Variants in FREM1 observed in about 807,000 individuals in gnomAD.
FREM1 encodes FRAS1-related extracellular matrix protein 1.
FREM1 carries 220 observed loss-of-function variants against 210.1 expected under a neutral mutation model. The ratio of observed to expected loss-of-function variants is 1.05; its 90% CI spans 0.94 to 1.17. The LOEUF (loss-of-function observed/expected upper bound fraction) is 1.17, where lower values mean the gene tolerates loss of function less well. Among genes scored for constraint, FREM1 ranks in the 50% most tolerant of loss-of-function variants. FREM1 has a pLI of 0.00. For synonymous variants in FREM1, 1,189 were observed against 980.2 expected (o/e 1.21, Z -3.98); for missense variants, 3,454 against 2,675.5 (o/e 1.29, Z -6.42).
chr9:14,866,953 G>A (rs755671443), intron 2 of FREM1, among the ~76,000 whole-genome samples: 3 of 151,960 alleles, frequency 2.0e-5, no homozygotes, highest in Non-Finnish European at 4.4e-5. Context: ...TCCGCCTCCC[G>A]GGTTCAAGCG....
intron 20 of FREM1, 59 bp downstream of exon 20, chr9:14,801,593 G>C (rs904850255): frequency 5.9e-6 from 7 of 1,184,684 alleles, no homozygotes; most frequent in Non-Finnish European, 8.6e-6. Flanking sequence ...TCACATATAA[G>C]TATGGGTTAA....
At chr9:14,887,537 A>C (rs549890539) in intron 1 of FREM1, among the ~76,000 whole-genome samples, 1 of 152,232 alleles carries the variant, frequency 6.6e-6, no homozygotes. Context: ...ACAAAGATGG[A>C]AAGTCTTCGT....
At chr9:14,818,954 G>T (rs535679895) in intron 14 of FREM1, among the ~76,000 whole-genome samples, 3 of 152,044 alleles carry the variant, frequency 2.0e-5, no homozygotes, top group Non-Finnish European at 2.9e-5. Flanking sequence ...TGTGATATGT[G>T]CAGTTACTGC....
At position 14,836,094 on chromosome 9, in the gene FREM1, G is replaced by A. The variant is rs139825561; in HGVS notation, c.1881+5353C>T. On this transcript the variant is annotated intron_variant, in intron 10 of 36. Coordinates refer to ENST00000380880, the MANE Select transcript of FREM1 (RefSeq NM_001379081.2). The surrounding 1 kb of genome is among the most constrained non-coding windows in gnomAD (Gnocchi z 4.9). ...GTGCCCATAACTCTGAGCTTTCTTT[G>A]TTTGGGAAAATAAAACCAAGGAACT... Among the ~76,000 whole-genome samples the A allele has an allele frequency of 6.6e-6, 1 of 152,202 alleles. No individual in the cohort carries two copies. Among genetic ancestry groups the A allele is most frequent in the African/African-American group, 2.4e-5 (1 of 41,442 alleles).
At chr9:14,846,342 C>T (rs906768451) in intron 7 of FREM1, among the ~76,000 whole-genome samples, 18 of 152,098 alleles carry the variant, frequency 1.2e-4, no homozygotes, top group African/African-American at 3.6e-4. Flanking sequence ...GGGAACATCA[C>T]ACACCAGAGC....
intron 4 of FREM1, among the ~76,000 whole-genome samples, chr9:14,858,032 C>A (rs541412917): frequency 1.0e-3 from 153 of 152,290 alleles, no homozygotes; most frequent in Admixed American, 3.5e-3. Context: ...ACATCTCTGA[C>A]AAATAGACCA....
chr9:14,742,842 T>C (rs909822831), intron 35 of FREM1, among the ~76,000 whole-genome samples: 4 of 152,126 alleles, frequency 2.6e-5, no homozygotes, highest in African/African-American at 9.6e-5. Context: ...AAAATAGACA[T>C]ACTTGTCAGT....
chr9:14,851,364 A>T lies in FREM1; in HGVS notation c.1072T>A (p.Phe358Ile), dbSNP rs747140889. The change falls in exon 6 of 37, where the codon TTC becomes ATC. Residue 358 changes from phenylalanine to isoleucine, a missense_variant. Transcript: ENST00000380880. ...ATGTCACTGAGATCTTTCCAGGTGAATGAGGAGATTGGTCTGGTGTGATCC... is the reference window on the plus strand; with the variant it reads ...ATGTCACTGAGATCTTTCCAGGTGATTGAGGAGATTGGTCTGGTGTGATCC... ...LLDHTRPISS[F>I]TWKDLSDMQI... 2.5e-6 allele frequency: 4 copies of T among 1,613,658 alleles called. No individual in the cohort carries two copies. The highest frequency in any genetic ancestry group is 3.4e-6 in the Non-Finnish European group (4 of 1,179,708).
At chr9:14,879,480 G>A (rs1237824544) in intron 1 of FREM1, among the ~76,000 whole-genome samples, 1 of 152,148 alleles carries the variant, frequency 6.6e-6, no homozygotes, top group East Asian at 1.9e-4. Flanking sequence ...ACACAACACT[G>A]AGAATCTATC....
Position 14,737,602 on chromosome 9 carries a change from T to C in FREM1, c.6341-7A>G. 1 of 1,520,044 alleles carries C rather than the reference T, an allele frequency of 6.6e-7. No homozygotes were observed. 94.2% of individuals were successfully genotyped at this position (1,520,044 alleles called of 1,614,324 possible). ...TGCACTTGGTCGTTCAAACCTAATGTGAACCAAAAGAATGTACCAATTACT... is the reference window on the plus strand; with the variant it reads ...TGCACTTGGTCGTTCAAACCTAATGCGAACCAAAAGAATGTACCAATTACT... On this transcript the variant is annotated splice_polypyrimidine_tract_variant and splice_region_variant and intron_variant, in intron 36 of 36. Coordinates refer to ENST00000380880, the MANE Select transcript of FREM1 (RefSeq NM_001379081.2).
chr9:14,758,351 C>T (rs927708250), intron 28 of FREM1, among the ~76,000 whole-genome samples: 2 of 152,144 alleles, frequency 1.3e-5, no homozygotes, highest in African/African-American at 4.8e-5. Flanking sequence ...CCCAAAACTC[C>T]AGCCTAGAGC....
chr9:14,757,424 G>A (rs1420888098), intron 28 of FREM1, among the ~76,000 whole-genome samples: 6 of 152,210 alleles, frequency 3.9e-5, no homozygotes, highest in South Asian at 2.1e-4. Flanking sequence ...GCATGGTGGC[G>A]GCCGCCTGTA....
At chr9:14,843,636 A>C (rs1024539138) in intron 8 of FREM1, among the ~76,000 whole-genome samples, 2 of 152,220 alleles carry the variant, frequency 1.3e-5, no homozygotes, top group Non-Finnish European at 2.9e-5. Flanking sequence ...AGAGAACTTA[A>C]GCAACAGTAA....
chr9:14,886,074 C>A (rs1352628381), intron 1 of FREM1, among the ~76,000 whole-genome samples: 1 of 152,150 alleles, frequency 6.6e-6, no homozygotes, highest in Non-Finnish European at 1.5e-5. Context: ...TTAGGTCTTA[C>A]AAGTACCCTA....
At chr9:14,746,537 G>A in intron 34 of FREM1, 69 bp from the exon 35 acceptor site, 1 of 1,186,822 alleles carries the variant, frequency 8.4e-7, no homozygotes, top group Non-Finnish European at 1.3e-6. Flanking sequence ...AGCATAAGGA[G>A]TCCTACGAGT....
At position 14,836,350 on chromosome 9, in the gene FREM1, C is replaced by T. The variant is rs1447035285; in HGVS notation, c.1881+5097G>A. Among the ~76,000 whole-genome samples, 5 of 152,124 alleles carry T rather than the reference C, an allele frequency of 3.3e-5. No individual in the cohort carries two copies. The highest frequency in any genetic ancestry group is 7.4e-5 in the Non-Finnish European group (5 of 68,006). On this transcript the variant is annotated intron_variant, in intron 10 of 36. Transcript: ENST00000380880. The surrounding 1 kb of genome is among the most constrained non-coding windows in gnomAD (Gnocchi z 4.9). ...ATAATAGTTACTGACAAAAAGAAAG[C>T]GTAAAAGTTTTACTATCACTAAGTC... is the stretch of plus-strand genomic sequence containing the variant.
chr9:14,845,888 C>G lies in FREM1; in HGVS notation c.1393+72G>C, dbSNP rs1043025299. The G allele has an allele frequency of 4.8e-6, 7 of 1,464,358 alleles. No individual in the cohort carries two copies. In the Admixed American group the frequency reaches 9.0e-5, roughly 19 times the overall value. The allele number at this position is 1,464,358 out of a possible 1,614,324, so 90.7% of individuals were successfully genotyped here. The stretch of plus-strand genomic sequence containing the variant: ...TGGGCCCAAGAGATGCTACATATAT[C>G]TGTTAAATATATCTACTTTTGAAGA... On this transcript the variant is annotated intron_variant, in intron 8 of 36. Coordinates refer to ENST00000380880, the MANE Select transcript of FREM1 (RefSeq NM_001379081.2).
At chr9:14,802,602 T>C (rs1244632499) in intron 19 of FREM1, among the ~76,000 whole-genome samples, 2 of 152,266 alleles carry the variant, frequency 1.3e-5, no homozygotes, top group South Asian at 2.1e-4. Flanking sequence ...TAGTATCTAG[T>C]CATTTAGAAC....
chr9:14,860,788 T>TACGCACATATATACACATATATAC (rs1829900476), intron 3 of FREM1, among the ~76,000 whole-genome samples: 1 of 94,780 alleles, frequency 1.1e-5, no homozygotes, highest in African/African-American at 5.2e-5. Flanking sequence ...TATACATATA[T>TACGCACATATATACACATATATAC]ACATATATAC....
Sources: allele counts gnomAD v4.1 joint callset (sites outside exome capture counted in the v4.1 genomes callset), GRCh38; gene constraint gnomAD v4.1.1; non-coding constraint Gnocchi (gnomAD v3.1); transcripts MANE v1.5; gene names NCBI Gene and HGNC (gene_info 2026-07-23, HGNC 2026-07-21).